LUZP2: variants seen among roughly 807,000 people sequenced by gnomAD.
LUZP2 encodes leucine zipper protein 2.
A neutral mutation model predicts 51.6 loss-of-function variants in LUZP2; 52 were observed. The observed-to-expected ratio is 1.01, with a 90% CI of 0.81 to 1.27. The LOEUF is 1.27. Among genes scored for constraint, LUZP2 ranks in the 50% most tolerant of loss-of-function variants. The pLI is 0.00. For missense variants in LUZP2, 436 were observed against 395.4 expected, an observed-to-expected ratio of 1.10 and a Z score of -0.87; for synonymous variants, 154 against 137.3, an observed-to-expected ratio of 1.12 and a Z score of -0.85.
chr11:25,034,879 G>A (rs1264529994), intron 9 of LUZP2, among the ~76,000 whole-genome samples: 1 of 151,846 alleles, frequency 6.6e-6, no homozygotes, highest in Non-Finnish European at 1.5e-5. Flanking sequence ...GTTCTTTTTG[G>A]TTAGGATTGC....
chr11:24,918,573 G>C (rs1484199044), intron 7 of LUZP2, among the ~76,000 whole-genome samples: 1 of 151,278 alleles, frequency 6.6e-6, no homozygotes, highest in African/African-American at 2.4e-5. Flanking sequence ...AAAATAATAA[G>C]AGCTATTTAT....
chr11:24,530,762 CTTTTTT>C (rs367857815), intron 1 of LUZP2, among the ~76,000 whole-genome samples: 17,373 of 76,306 alleles, frequency 0.23, 1,636 homozygotes, highest in African/African-American at 0.42. Context: ...CTTCTTCTTA[CTTTTTT>C]TTTTTTTTTT....
intron 5 of LUZP2, among the ~76,000 whole-genome samples, chr11:24,774,381 T>TATATATATATACAC (rs1184772523): frequency 5.3e-5 from 5 of 93,972 alleles, no homozygotes; most frequent in African/African-American, 2.3e-4. Flanking sequence ...TATATATATA[T>TATATATATATACAC]ACATACACAC....
At chr11:24,576,195 G>A (rs1015160842) in intron 1 of LUZP2, among the ~76,000 whole-genome samples, 1 of 151,886 alleles carries the variant, frequency 6.6e-6, no homozygotes, top group Non-Finnish European at 1.5e-5. Flanking sequence ...GGTGGATCAC[G>A]AGGTCAGGAG....
intron 1 of LUZP2, among the ~76,000 whole-genome samples, chr11:24,633,509 G>A (rs1207966744): frequency 6.6e-6 from 1 of 151,656 alleles, no homozygotes; most frequent in Non-Finnish European, 1.5e-5. Flanking sequence ...AAAAAGCAGT[G>A]GAAAAAAATG....
chr11:25,037,352 C>T (rs772951463), intron 9 of LUZP2, among the ~76,000 whole-genome samples: 64 of 152,254 alleles, frequency 4.2e-4, no homozygotes, highest in South Asian at 8.3e-4. Context: ...AGTGTTGTTA[C>T]ACGTGAAATG....
intron 5 of LUZP2, among the ~76,000 whole-genome samples, chr11:24,824,927 A>G (rs765666318): frequency 6.6e-6 from 1 of 152,118 alleles, no homozygotes; most frequent in Admixed American, 6.6e-5. Flanking sequence ...ACTATATATT[A>G]TCCATTTGTT....
chr11:24,958,313 C>A (rs1855272619), intron 7 of LUZP2, among the ~76,000 whole-genome samples: 1 of 152,198 alleles, frequency 6.6e-6, no homozygotes, highest in Non-Finnish European at 1.5e-5. Flanking sequence ...TTCTAGATCC[C>A]TGAGGAATTG....
At chr11:24,839,838 A>G (rs1403849070) in intron 5 of LUZP2, among the ~76,000 whole-genome samples, 3 of 151,772 alleles carry the variant, frequency 2.0e-5, no homozygotes, top group Admixed American at 6.6e-5. Flanking sequence ...GTTAGAATAT[A>G]AATGGAAATA....
chr11:24,637,115 T>C (rs1215191252), intron 1 of LUZP2, among the ~76,000 whole-genome samples: 1 of 151,726 alleles, frequency 6.6e-6, no homozygotes, highest in African/African-American at 2.4e-5. Flanking sequence ...AAAACAAAAA[T>C]TGTAGAGGAT....
intron 9 of LUZP2, among the ~76,000 whole-genome samples, chr11:25,030,455 A>T (rs1255852753): frequency 6.6e-6 from 1 of 152,098 alleles, no homozygotes; most frequent in Non-Finnish European, 1.5e-5. Flanking sequence ...GTGAGTTGTA[A>T]GATCAAAGGC....
At chr11:24,711,403 T>A (rs1032898648) in intron 1 of LUZP2, among the ~76,000 whole-genome samples, 1 of 151,954 alleles carries the variant, frequency 6.6e-6, no homozygotes, top group Non-Finnish European at 1.5e-5. Context: ...TGAGCCGAGA[T>A]GGTGTCACTG....
intron 5 of LUZP2, among the ~76,000 whole-genome samples, chr11:24,835,613 A>C (rs914183265): frequency 6.6e-6 from 1 of 152,146 alleles, no homozygotes; most frequent in Non-Finnish European, 1.5e-5. Context: ...ATTAAGGATT[A>C]GAGAGGAAAA....
chr11:24,725,896 G>A (rs567727183), intron 1 of LUZP2, among the ~76,000 whole-genome samples: 11 of 152,178 alleles, frequency 7.2e-5, no homozygotes, highest in East Asian at 1.9e-4. Context: ...GAGATACACC[G>A]GGAAGGAAGA....
chr11:25,031,900 AC>A (rs1857699089), intron 9 of LUZP2, among the ~76,000 whole-genome samples: 1 of 152,154 alleles, frequency 6.6e-6, no homozygotes, highest in African/African-American at 2.4e-5. Context: ...TTGTTAGATT[AC>A]GTGACAAAGA....
chr11:24,975,298 C>T (rs1272372501), intron 7 of LUZP2, among the ~76,000 whole-genome samples: 2 of 151,982 alleles, frequency 1.3e-5, no homozygotes, highest in Non-Finnish European at 2.9e-5. Context: ...AATGTTGACA[C>T]CTAATAAAAT....
chr11:24,538,178 C>T (rs886781741), intron 1 of LUZP2, among the ~76,000 whole-genome samples: 1 of 151,240 alleles, frequency 6.6e-6, no homozygotes, highest in Non-Finnish European at 1.5e-5. Flanking sequence ...CTGTGTTGCC[C>T]AAATGAAAGG....
At chr11:24,538,007 G>A (rs1851234921) in intron 1 of LUZP2, among the ~76,000 whole-genome samples, 2 of 126,916 alleles carry the variant, frequency 1.6e-5, no homozygotes, top group South Asian at 4.6e-4. Flanking sequence ...GGTTTTTATA[G>A]GGCCACTTCT....
At chr11:25,038,754 T>A (rs1466302332) in intron 9 of LUZP2, among the ~76,000 whole-genome samples, 1 of 152,188 alleles carries the variant, frequency 6.6e-6, no homozygotes, top group Non-Finnish European at 1.5e-5. Flanking sequence ...TTGCACTGAC[T>A]ATTTCTCATC....
Sources: gnomAD v4.1 joint callset for allele counts (sites outside exome capture counted in the v4.1 genomes callset) on GRCh38, gnomAD v4.1.1 for gene constraint, MANE v1.5 for transcripts, NCBI Gene and HGNC (gene_info 2026-07-23, HGNC 2026-07-21) for gene names.